Variants in MFHAS1 observed in about 807,000 individuals in gnomAD.
MFHAS1 encodes multifunctional ROCO family signaling regulator 1.
MFHAS1 carries 50 observed loss-of-function variants against 70.4 expected under a neutral mutation model. The ratio of observed to expected loss-of-function variants is 0.71; its 90% CI spans 0.57 to 0.90. The LOEUF is 0.90. Among genes scored for constraint, MFHAS1 ranks in the 40% least tolerant of loss-of-function variants. MFHAS1 has a pLI of 0.00. For missense variants in MFHAS1, 1,795 were observed against 1,347.6 expected (o/e 1.33, Z -5.20); for synonymous variants, 952 against 620.0 (o/e 1.54, Z -7.96).
chr8:8,814,973 T>A (rs762491972), intron 1 of MFHAS1, among the ~76,000 whole-genome samples: 1 of 151,954 alleles, frequency 6.6e-6, no homozygotes, highest in African/African-American at 2.4e-5. Flanking sequence ...ACCTAGGTAT[T>A]AAGCCCAGCA....
rs1585011712 is a variant in MFHAS1, at chr8:8,784,023, G to C, written c.*1999C>G. 1 of 152,158 alleles carries C rather than the reference G, an allele frequency of 6.6e-6. No individual in the cohort carries two copies. The highest frequency in any genetic ancestry group is 1.5e-5 in the Non-Finnish European group (1 of 68,022). The allele number at this position is 152,158 out of a possible 1,614,324, so 9.4% of individuals were successfully genotyped here. A position where few individuals can be genotyped will look rare whatever the true frequency, so the allele number is the denominator to read the frequency against. ...AAAACATCACTGGTCAAAAATATTA[G>C]ATATTAAGAATGTGGGCGTTTATGT... On this transcript the variant is annotated 3_prime_UTR_variant, in exon 3 of 3. Transcript: ENST00000276282.
intron 1 of MFHAS1, among the ~76,000 whole-genome samples, chr8:8,830,980 C>T (rs1046904050): frequency 3.3e-5 from 5 of 152,166 alleles, no homozygotes; most frequent in Non-Finnish European, 7.3e-5. Context: ...CAAAATACTA[C>T]GGATTGGGTA....
chr8:8,805,694 G>A (rs1806264317), intron 1 of MFHAS1, among the ~76,000 whole-genome samples: 3 of 151,902 alleles, frequency 2.0e-5, no homozygotes, highest in African/African-American at 7.3e-5. Context: ...AGGGTTTTTT[G>A]TTTTGTTTTG....
At chr8:8,794,242 G>T (rs908869778) in intron 2 of MFHAS1, among the ~76,000 whole-genome samples, 1 of 151,954 alleles carries the variant, frequency 6.6e-6, no homozygotes, top group Admixed American at 6.6e-5. Flanking sequence ...AAGTTACCTC[G>T]GCTGGAGTTG....
At position 8,891,539 on chromosome 8, in the gene MFHAS1, T is replaced by A. The variant is rs202143016; in HGVS notation, c.1520A>T (p.Tyr507Phe). Residue 507 changes from tyrosine (Y) to phenylalanine (F), a missense_variant, in exon 1 of 3, where the codon TAT becomes TTT. Coordinates refer to ENST00000276282, the MANE Select transcript of MFHAS1 (RefSeq NM_004225.3). This position sits in a 1 kb window ranked among gnomAD's most constrained non-coding sequence, Gnocchi z 5.4. The stretch of plus-strand genomic sequence containing the variant: ...GGTGGTAGGAAAGTGGCGAGGCTCA[T>A]AGGTGGCCAAGTTGACCACCAGCAC... The part of the protein sequence containing the change: ...LYVLVVNLAT[Y>F]EPRHFPTTVG... 5 of 1,613,070 alleles carry A rather than the reference T, an allele frequency of 3.1e-6. No individual in the cohort carries two copies. The highest frequency in any genetic ancestry group is 4.2e-6 in the Non-Finnish European group (5 of 1,180,018).
intron 1 of MFHAS1, among the ~76,000 whole-genome samples, chr8:8,856,980 G>GAAAAAAAAAAA (rs59496543): frequency 3.7e-5 from 2 of 53,392 alleles, no homozygotes; most frequent in Middle Eastern, 0.018. Context: ...TCAGGAAAGT[G>GAAAAAAAAAAA]AAAAAAAAAA....
At chr8:8,831,649 G>C (rs1051338550) in intron 1 of MFHAS1, among the ~76,000 whole-genome samples, 1 of 148,402 alleles carries the variant, frequency 6.7e-6, no homozygotes, top group East Asian at 2.0e-4. Context: ...AGTCTCACTC[G>C]GTCGCCCAGG....
At chr8:8,873,659 T>C (rs1222148577) in intron 1 of MFHAS1, among the ~76,000 whole-genome samples, 1 of 152,082 alleles carries the variant, frequency 6.6e-6, no homozygotes, top group African/African-American at 2.4e-5. Flanking sequence ...AGCTTAGGTG[T>C]AGAAAATACA....
At chr8:8,833,359 G>T (rs116527701) in intron 1 of MFHAS1, among the ~76,000 whole-genome samples, 1 of 152,204 alleles carries the variant, frequency 6.6e-6, no homozygotes, top group Non-Finnish European at 1.5e-5. Flanking sequence ...GCTGAGTGCA[G>T]TGATTCATGC....
chr8:8,783,926 C>A lies in MFHAS1; in HGVS notation c.*2096G>T, dbSNP rs944755097. 6.6e-6 allele frequency: 1 copy of A among 152,144 alleles called. No homozygotes were observed. The highest frequency in any genetic ancestry group is 2.4e-5 in the African/African-American group (1 of 41,446). The allele number at this position is 152,144 out of a possible 1,614,324, so 9.4% of individuals were successfully genotyped here. A position where few individuals can be genotyped will look rare whatever the true frequency, so the allele number is the denominator to read the frequency against. ...GTCACATGACCCTCGATCATGGTAA[C>A]CCTTTTGCTAAGACACATGTGACAC... is the stretch of plus-strand genomic sequence containing the variant. On this transcript the variant is annotated 3_prime_UTR_variant, in exon 3 of 3. Coordinates refer to ENST00000276282, the MANE Select transcript of MFHAS1 (RefSeq NM_004225.3).
intron 1 of MFHAS1, among the ~76,000 whole-genome samples, chr8:8,830,981 G>A (rs1275845794): frequency 7.2e-5 from 11 of 152,100 alleles, no homozygotes; most frequent in Admixed American, 5.9e-4. Context: ...AAAATACTAC[G>A]GATTGGGTAG....
intron 1 of MFHAS1, among the ~76,000 whole-genome samples, chr8:8,830,702 AAG>A (rs1413883230): frequency 6.6e-6 from 1 of 152,200 alleles, no homozygotes; most frequent in Non-Finnish European, 1.5e-5. Context: ...ACCCGGTTTC[AAG>A]TAATTCACAT....
At chr8:8,841,028 T>C in intron 1 of MFHAS1, among the ~76,000 whole-genome samples, 1 of 152,246 alleles carries the variant, frequency 6.6e-6, no homozygotes, top group African/African-American at 2.4e-5. Context: ...TTTAAATGTC[T>C]TCATTTAACC....
intron 1 of MFHAS1, among the ~76,000 whole-genome samples, chr8:8,854,006 T>G (rs1424194211): frequency 6.6e-6 from 1 of 152,236 alleles, no homozygotes; most frequent in Admixed American, 6.5e-5. Context: ...ACACCTTGAT[T>G]TGTCTTAGTT....
intron 1 of MFHAS1, among the ~76,000 whole-genome samples, chr8:8,839,476 G>C (rs766402309): frequency 1.3e-5 from 2 of 152,152 alleles, no homozygotes; most frequent in African/African-American, 4.8e-5. Context: ...CACTAGGCTG[G>C]AAATGAGATA....
chr8:8,848,290 G>T (rs1808106629), intron 1 of MFHAS1, among the ~76,000 whole-genome samples: 1 of 151,628 alleles, frequency 6.6e-6, no homozygotes, highest in Admixed American at 6.6e-5. Flanking sequence ...AGTCTTCAAA[G>T]AAGGGATTAT....
intron 1 of MFHAS1, among the ~76,000 whole-genome samples, chr8:8,878,217 C>G (rs1394149521): frequency 6.6e-6 from 1 of 152,146 alleles, no homozygotes; most frequent in Non-Finnish European, 1.5e-5. Flanking sequence ...AGGAGGTGAG[C>G]TGGTGTACTC....
chr8:8,806,824 G>A (rs143723336), intron 1 of MFHAS1, among the ~76,000 whole-genome samples: 2 of 152,098 alleles, frequency 1.3e-5, no homozygotes, highest in African/African-American at 4.8e-5. Context: ...AGCCAGGCGA[G>A]GTGGTACACA....
chr8:8,848,463 T>G (rs1013709275), intron 1 of MFHAS1, among the ~76,000 whole-genome samples: 8 of 149,104 alleles, frequency 5.4e-5, no homozygotes, highest in Non-Finnish European at 8.9e-5. Context: ...GGCAAAGGAA[T>G]AAAAGTGAAA....
Sources: allele counts gnomAD v4.1 joint callset (sites outside exome capture counted in the v4.1 genomes callset), GRCh38; gene constraint gnomAD v4.1.1; non-coding constraint Gnocchi (gnomAD v3.1); transcripts MANE v1.5; gene names NCBI Gene and HGNC (gene_info 2026-07-23, HGNC 2026-07-21).